The following ATAD2B variants were observed in gnomAD, a reference collection of about 807,000 sequenced individuals.
ATAD2B encodes ATPase family AAA domain-containing protein 2B.
ATAD2B carries 40 observed loss-of-function variants against 167.6 expected under a neutral mutation model. That is an observed-to-expected ratio of 0.24 (90% CI 0.19 to 0.31). ATAD2B has a LOEUF of 0.31. Among genes scored for constraint, ATAD2B ranks in the 10% least tolerant of loss-of-function variants. ATAD2B has a pLI of 1.00. For synonymous variants in ATAD2B, 579 were observed against 596.5 expected, an observed-to-expected ratio of 0.97 and a Z score of 0.43; for missense variants, 1,242 against 1,757.2, an observed-to-expected ratio of 0.71 and a Z score of 5.24.
intron 1 of ATAD2B, among the ~76,000 whole-genome samples, chr2:23,900,100 TAG>T (rs1700638373): frequency 1.3e-5 from 2 of 150,866 alleles, no homozygotes; most frequent in Admixed American, 6.6e-5. Context: ...GTATTTTTAG[TAG>T]AGACAGCGTT....
the ATAD2B span, among the ~76,000 whole-genome samples, chr2:23,732,895 C>G: frequency 1.3e-5 from 2 of 152,186 alleles, no homozygotes; most frequent in African/African-American, 4.8e-5. Context: ...GGTTCAAATC[C>G]TGGTTATGCT....
At position 23,865,194 on chromosome 2, in the gene ATAD2B, AT is replaced by A. The variant is rs561863543; in HGVS notation, c.1189-271del. 1.8e-3 allele frequency among the ~76,000 whole-genome samples: 281 copies of A among 152,158 alleles called. 1 individual carries two copies. Among genetic ancestry groups the A allele is most frequent in the African/African-American group, 6.4e-3 (267 of 41,560 alleles). ...AAACTTTAATAGGTATCTATAGGAG[AT>A]TTTTATATTATACTAACATATATAA... is the stretch of plus-strand genomic sequence containing the variant. On this transcript the variant is annotated intron_variant, in intron 10 of 27. Transcript: ENST00000238789.
intron 1 of ATAD2B, among the ~76,000 whole-genome samples, chr2:23,916,270 TCAC>T (rs1703031242): frequency 6.6e-6 from 1 of 152,224 alleles, no homozygotes; most frequent in Non-Finnish European, 1.5e-5. Context: ...TGATTCATCT[TCAC>T]CACTTTTAGA....
the ATAD2B span, among the ~76,000 whole-genome samples, chr2:23,711,107 CATATATAAAG>C: frequency 1.3e-5 from 2 of 151,996 alleles, no homozygotes; most frequent in African/African-American, 2.4e-5. Flanking sequence ...ATGTGATACA[CATATATAAAG>C]ATATATAAGA....
chr2:23,775,359 G>A (rs187302926), intron 22 of ATAD2B, among the ~76,000 whole-genome samples: 1,653 of 151,656 alleles, frequency 0.011, 17 homozygotes, highest in Middle Eastern at 0.038. Flanking sequence ...GAATACAGGC[G>A]CACACCACCA....
chr2:23,684,964 A>G, the ATAD2B span, among the ~76,000 whole-genome samples: 1 of 152,158 alleles, frequency 6.6e-6, no homozygotes, highest in Admixed American at 6.5e-5. This position sits in a 1 kb window ranked among gnomAD's most constrained non-coding sequence, Gnocchi z 4.4. Flanking sequence ...GTCGGTGGTG[A>G]CTAATGCCAG....
At chr2:23,883,398 T>A (rs1338200786) in intron 6 of ATAD2B, among the ~76,000 whole-genome samples, 1 of 152,140 alleles carries the variant, frequency 6.6e-6, no homozygotes, top group Non-Finnish European at 1.5e-5. Flanking sequence ...AATACAGTAT[T>A]TATCTAAATA....
intron 12 of ATAD2B, among the ~76,000 whole-genome samples, chr2:23,857,964 C>T (rs2712083): frequency 0.065 from 9,815 of 151,690 alleles, 405 homozygotes; most frequent in African/African-American, 0.12. Context: ...AGGATGGTCT[C>T]GATCTCCTGA....
chr2:23,705,362 G>A, the ATAD2B span, among the ~76,000 whole-genome samples: 8 of 152,130 alleles, frequency 5.3e-5, no homozygotes, highest in African/African-American at 1.9e-4. Flanking sequence ...GTGGTGGCAG[G>A]CGCCTGTAAT....
chr2:23,919,135 T>C (rs1476428406), intron 1 of ATAD2B, among the ~76,000 whole-genome samples: 2 of 151,700 alleles, frequency 1.3e-5, no homozygotes, highest in Non-Finnish European at 2.9e-5. Flanking sequence ...TTGAGGCCAG[T>C]AGTTCGAGAC....
chr2:23,921,145 G>A (rs1023967357), intron 1 of ATAD2B, among the ~76,000 whole-genome samples: 1 of 123,062 alleles, frequency 8.1e-6, no homozygotes, highest in Non-Finnish European at 1.6e-5. Flanking sequence ...AGCGGAGGTT[G>A]CAGTAAGCTA....
chr2:23,821,493 A>G (rs1687444499), intron 16 of ATAD2B, among the ~76,000 whole-genome samples: 1 of 152,244 alleles, frequency 6.6e-6, no homozygotes, highest in Non-Finnish European at 1.5e-5. Context: ...TTAAGAAATC[A>G]GGTATTCCAT....
chr2:23,925,496 G>A (rs546459080), intron 1 of ATAD2B, among the ~76,000 whole-genome samples: 1 of 152,282 alleles, frequency 6.6e-6, no homozygotes, highest in African/African-American at 2.4e-5. Flanking sequence ...ACAAAATGGT[G>A]TGGAATTAAA....
At chr2:23,844,296 G>A (rs371406152) in intron 13 of ATAD2B, among the ~76,000 whole-genome samples, 1 of 151,470 alleles carries the variant, frequency 6.6e-6, no homozygotes, top group African/African-American at 2.4e-5. Flanking sequence ...TTGATTAACT[G>A]TGTCTCAAAA....
chr2:23,747,063 G>T (rs1674926029), downstream of ATAD2B, among the ~76,000 whole-genome samples: 1 of 152,076 alleles, frequency 6.6e-6, no homozygotes, highest in South Asian at 2.1e-4. Flanking sequence ...ATGAAAAAAT[G>T]ATTAAGGTAA....
chr2:23,838,086 A>T (rs190224410), intron 13 of ATAD2B, among the ~76,000 whole-genome samples: 2 of 152,284 alleles, frequency 1.3e-5, no homozygotes, highest in African/African-American at 4.8e-5. Context: ...CTTCCCAAAC[A>T]CACTGCTCTA....
chr2:23,705,948 G>A, the ATAD2B span, among the ~76,000 whole-genome samples: 2 of 152,178 alleles, frequency 1.3e-5, no homozygotes, highest in East Asian at 1.9e-4. Context: ...CACAGCCATC[G>A]GTCACCCTGC....
At chr2:23,900,926 A>C (rs757160887) in intron 1 of ATAD2B, 18 of 152,816 alleles carry the variant, frequency 1.2e-4, no homozygotes, top group Non-Finnish European at 2.6e-4. Flanking sequence ...TAAGTCCAAA[A>C]GACTTGCGCC....
At chr2:23,903,365 A>G (rs1701067756) in intron 1 of ATAD2B, among the ~76,000 whole-genome samples, 1 of 152,228 alleles carries the variant, frequency 6.6e-6, no homozygotes, top group African/African-American at 2.4e-5. Context: ...AGGATGAGAT[A>G]ACTTCCAAGA....
Sources: allele counts gnomAD v4.1 joint callset (sites outside exome capture counted in the v4.1 genomes callset), GRCh38; gene constraint gnomAD v4.1.1; non-coding constraint Gnocchi (gnomAD v3.1); transcripts MANE v1.5; gene names NCBI Gene and HGNC (gene_info 2026-07-23, HGNC 2026-07-21).